Variants in EYS observed in about 807,000 individuals in gnomAD.
EYS encodes the protein protein eyes shut homolog.
A neutral mutation model predicts 282.1 loss-of-function variants in EYS; 250 were observed. The ratio of observed to expected loss-of-function variants is 0.89; its 90% CI spans 0.80 to 0.98. The LOEUF is 0.98. Ranked by LOEUF, EYS falls within the 50% of genes least tolerant of loss-of-function variation. The pLI is 0.00. For synonymous variants in EYS, 1,355 were observed against 1,282.9 expected, an observed-to-expected ratio of 1.06 and a Z score of -1.20; for missense variants, 4,016 against 3,709.0, an observed-to-expected ratio of 1.08 and a Z score of -2.15.
At chr6:65,466,596 A>C (rs1459163272) in intron 5 of EYS, among the ~76,000 whole-genome samples, 1 of 152,172 alleles carries the variant, frequency 6.6e-6, no homozygotes, top group Non-Finnish European at 1.5e-5. Flanking sequence ...AAATGAAAAA[A>C]AAAAAGGAAA....
chr6:63,965,878 C>G (rs1766283582), intron 35 of EYS, among the ~76,000 whole-genome samples: 2 of 152,132 alleles, frequency 1.3e-5, no homozygotes, highest in Non-Finnish European at 2.9e-5. Context: ...GAATCATGGG[C>G]ATTTTACCAT....
chr6:64,674,823 C>T (rs778110895), intron 22 of EYS, among the ~76,000 whole-genome samples: 5 of 151,634 alleles, frequency 3.3e-5, no homozygotes, highest in Admixed American at 6.6e-5. Flanking sequence ...TACATTTCTA[C>T]GTTTGGGGCT....
intron 18 of EYS, among the ~76,000 whole-genome samples, chr6:64,889,147 T>G (rs912339993): frequency 1.3e-5 from 2 of 151,984 alleles, no homozygotes; most frequent in Admixed American, 1.3e-4. Flanking sequence ...TAAACAGTAG[T>G]TTACTACTTA....
At chr6:63,926,088 G>A (rs1382309673) in intron 35 of EYS, among the ~76,000 whole-genome samples, 1 of 151,450 alleles carries the variant, frequency 6.6e-6, no homozygotes, top group Non-Finnish European at 1.5e-5. Context: ...ACATGGCATT[G>A]TGCTTTATCC....
intron 2 of EYS, among the ~76,000 whole-genome samples, chr6:65,517,505 T>C (rs1315642866): frequency 2.6e-5 from 4 of 152,060 alleles, no homozygotes; most frequent in Non-Finnish European, 4.4e-5. Context: ...TTACGTATTA[T>C]GTAAAGTGAG....
intron 22 of EYS, among the ~76,000 whole-genome samples, chr6:64,703,186 A>G (rs1157054764): frequency 2.6e-5 from 4 of 151,794 alleles, no homozygotes; most frequent in Non-Finnish European, 5.9e-5. Flanking sequence ...AGCAGGTAGC[A>G]TGAGGTTCAT....
At chr6:65,076,134 G>A (rs1774044654) in intron 12 of EYS, among the ~76,000 whole-genome samples, 1 of 151,914 alleles carries the variant, frequency 6.6e-6, no homozygotes, top group South Asian at 2.1e-4. Flanking sequence ...GATCATACAT[G>A]CTACTTATAC....
intron 30 of EYS, among the ~76,000 whole-genome samples, chr6:64,283,127 T>C (rs982036645): frequency 3.3e-5 from 5 of 152,184 alleles, no homozygotes; most frequent in African/African-American, 1.2e-4. Flanking sequence ...ACAATCTTCA[T>C]TTTCACGTGA....
At chr6:65,023,659 AC>A (rs1772314498) in intron 13 of EYS, among the ~76,000 whole-genome samples, 1 of 152,220 alleles carries the variant, frequency 6.6e-6, no homozygotes, top group Non-Finnish European at 1.5e-5. Context: ...CAGTTTTGAA[AC>A]CAGTTGAAGC....
At chr6:64,826,117 T>C (rs1346907375) in intron 19 of EYS, among the ~76,000 whole-genome samples, 1 of 151,850 alleles carries the variant, frequency 6.6e-6, no homozygotes, top group East Asian at 1.9e-4. Flanking sequence ...CATTAATTTA[T>C]CTAATGCATA....
At chr6:64,697,134 A>G (rs1025390437) in intron 22 of EYS, among the ~76,000 whole-genome samples, 2 of 152,178 alleles carry the variant, frequency 1.3e-5, no homozygotes, top group Admixed American at 6.5e-5. Context: ...TAAAAAAAAC[A>G]TGAATCAACT....
At position 64,975,518 on chromosome 6, in the gene EYS, A is replaced by G. The variant is rs1345827412; in HGVS notation, c.2259+22064T>C. Among the ~76,000 whole-genome samples, 4 of 151,822 alleles carry G rather than the reference A, an allele frequency of 2.6e-5. No individual in the cohort carries two copies. In the South Asian group the frequency reaches 6.2e-4, roughly 24 times the overall value. ...AGTTCCAATCTCTCCAATACGTGTCATATTCACATGAATAGCTGTCTTTGC... is the reference window on the plus strand; with the variant it reads ...AGTTCCAATCTCTCCAATACGTGTCGTATTCACATGAATAGCTGTCTTTGC... On this transcript the variant is annotated intron_variant, in intron 14 of 42. Coordinates refer to ENST00000503581, the MANE Select transcript of EYS (RefSeq NM_001142800.2).
At chr6:64,044,604 A>G (rs1040495251) in intron 33 of EYS, among the ~76,000 whole-genome samples, 2 of 152,140 alleles carry the variant, frequency 1.3e-5, no homozygotes, top group Non-Finnish European at 2.9e-5. Context: ...ATGAAAATGT[A>G]TTTGCCCTTT....
At chr6:64,278,732 C>CTCTCTCTCTCTCTCTCTCTCTCTT (rs1305171736) in intron 30 of EYS, among the ~76,000 whole-genome samples, 4 of 152,020 alleles carry the variant, frequency 2.6e-5, no homozygotes, top group African/African-American at 9.7e-5. Flanking sequence ...CTCTCTCTCT[C>CTCTCTCTCTCTCTCTCTCTCTCTT]TCTCTCTTTC....
At chr6:65,201,694 C>T (rs917784721) in intron 12 of EYS, among the ~76,000 whole-genome samples, 3 of 152,146 alleles carry the variant, frequency 2.0e-5, no homozygotes, top group Non-Finnish European at 4.4e-5. Context: ...GTTTATCTCT[C>T]TTATTCTGTT....
chr6:65,642,195 T>G (rs1055781084), intron 1 of EYS, among the ~76,000 whole-genome samples: 1 of 152,160 alleles, frequency 6.6e-6, no homozygotes, highest in Non-Finnish European at 1.5e-5. Flanking sequence ...TTCAATAGGA[T>G]GTACTTCTGG....
chr6:65,376,700 C>CA (rs1339499957), intron 8 of EYS, among the ~76,000 whole-genome samples: 1 of 151,684 alleles, frequency 6.6e-6, no homozygotes, highest in South Asian at 2.1e-4. Flanking sequence ...AAATGGAAAG[C>CA]AAAAAAAGCA....
At position 65,430,838 on chromosome 6, in the gene EYS, T is replaced by G. The variant is rs528524716; in HGVS notation, c.863-25471A>C. Among the ~76,000 whole-genome samples, 10 of 152,268 alleles carry G rather than the reference T, an allele frequency of 6.6e-5. No individual in the cohort carries two copies. In the South Asian group the frequency reaches 1.9e-3, roughly 28 times the overall value. On this transcript the variant is annotated intron_variant, in intron 5 of 42. Coordinates refer to ENST00000503581, the MANE Select transcript of EYS (RefSeq NM_001142800.2). The stretch of plus-strand genomic sequence containing the variant: ...TCCAGTCCTGGCAGCATTCATTACC[T>G]GCTAACTGAAGAGCCCTTGCGTCCT...
At chr6:64,954,695 G>A (rs1055449361) in intron 14 of EYS, among the ~76,000 whole-genome samples, 1 of 152,104 alleles carries the variant, frequency 6.6e-6, no homozygotes, top group Non-Finnish European at 1.5e-5. Flanking sequence ...AAGAAAATTA[G>A]CAACTGAGGC....
Sources: gnomAD v4.1 joint callset for allele counts (sites outside exome capture counted in the v4.1 genomes callset) on GRCh38, gnomAD v4.1.1 for gene constraint, MANE v1.5 for transcripts, NCBI Gene and HGNC (gene_info 2026-07-23, HGNC 2026-07-21) for gene names.